The following CKM variants were observed in gnomAD, a reference collection of about 807,000 sequenced individuals.
CKM encodes creatine kinase, M-type, also known as creatine kinase M-type.
CKM carries 28 observed loss-of-function variants against 35.4 expected under a neutral mutation model. That is an observed-to-expected ratio of 0.79 (90% CI 0.59 to 1.08). The LOEUF (loss-of-function observed/expected upper bound fraction) is 1.08, where lower values mean the gene tolerates loss of function less well. Ranked by LOEUF, CKM falls within the 50% of genes least tolerant of loss-of-function variation. CKM has a pLI of 0.00. For missense variants in CKM, 484 were observed against 509.8 expected, an observed-to-expected ratio of 0.95 and a Z score of 0.49; for synonymous variants, 215 against 204.4, an observed-to-expected ratio of 1.05 and a Z score of -0.44.
intron 4 of CKM, among the ~76,000 whole-genome samples, chr19:45,313,889 T>C (rs897430546): frequency 6.6e-6 from 1 of 151,934 alleles, no homozygotes; most frequent in Non-Finnish European, 1.5e-5. Flanking sequence ...GGCCAGGCAC[T>C]GTGGCTCACA....
At position 45,319,518 on chromosome 19, in the gene CKM, C is replaced by T. The variant is rs113345715; in HGVS notation, c.193+3G>A. On this transcript the variant is annotated splice_donor_region_variant and intron_variant, in intron 2 of 7. Coordinates refer to ENST00000221476, the MANE Select transcript of CKM (RefSeq NM_001824.5). ...CCTTCAGTGCTCCACTGGGGAGGCT[C>T]ACCTGGGTTGTCCACTCCTGTCTGG... 8.7e-6 allele frequency: 14 copies of T among 1,613,552 alleles called. No homozygotes were observed. The highest frequency in any genetic ancestry group is 1.1e-5 in the Non-Finnish European group (13 of 1,179,688).
At chr19:45,319,021 AT>A (rs1036262486) in intron 2 of CKM, among the ~76,000 whole-genome samples, 6 of 151,720 alleles carry the variant, frequency 4.0e-5, no homozygotes, top group African/African-American at 1.5e-4. Flanking sequence ...CACTTGGCTA[AT>A]TTTTTTGTAT....
chr19:45,308,909 C>A (rs1052894182), intron 5 of CKM, among the ~76,000 whole-genome samples: 1 of 152,140 alleles, frequency 6.6e-6, no homozygotes, highest in African/African-American at 2.4e-5. Context: ...CCAATCCTAG[C>A]ATCTCAGAAG....
Position 45,307,401 on chromosome 19 carries a change from A to T in CKM, c.967+60T>A. On this transcript the variant is annotated intron_variant, in intron 7 of 7. Transcript: ENST00000221476. ...GCAGGGATGTCGCACCTCTCCTTGC[A>T]TCCCTGCAAAGGGCCCTCGCTCCCC... The T allele has an allele frequency of 2.0e-6, 3 of 1,527,942 alleles. No homozygotes were observed. The South Asian group carries it at 3.4e-5, about 18-fold the overall frequency. The allele number at this position is 1,527,942 out of a possible 1,614,324, so 94.6% of individuals were successfully genotyped here.
chr19:45,322,693 C>T (rs980466017), intron 1 of CKM, 128 bp downstream of exon 1: 3 of 505,166 alleles, frequency 5.9e-6, no homozygotes, highest in Admixed American at 6.4e-5. Context: ...ACGCACCGAC[C>T]TGCCTTTGTA....
chr19:45,322,778 C>T (rs1166673927), intron 1 of CKM, 43 bp downstream of exon 1: 3 of 980,166 alleles, frequency 3.1e-6, no homozygotes, highest in African/African-American at 3.5e-5. Flanking sequence ...CCACAGAAAT[C>T]CCCTACTCTG....
At position 45,315,849 on chromosome 19, in the gene CKM, C is replaced by CT. The variant is rs376961493; in HGVS notation, c.349-253dup. 8.8e-5 allele frequency among the ~76,000 whole-genome samples: 12 copies of CT among 135,624 alleles called. 2 individuals are homozygous for CT. The highest frequency in any genetic ancestry group is 1.6e-4 in the Non-Finnish European group (10 of 63,414). 89.0% of individuals were successfully genotyped at this position (135,624 alleles called of 152,430 possible). A position where few individuals can be genotyped will look rare whatever the true frequency, so the allele number is the denominator to read the frequency against. On this transcript the variant is annotated intron_variant, in intron 3 of 7. Coordinates refer to ENST00000221476, the MANE Select transcript of CKM (RefSeq NM_001824.5). ...TCCCCATCTTCGTATATTTCTTTTC[C>CT]TTTTTTTTCTTCGAGACAGGGTCTC... is the stretch of plus-strand genomic sequence containing the variant.
Position 45,311,920 on chromosome 19 carries a change from G to A in CKM, c.482C>T (p.Ala161Val), listed in dbSNP as rs762646021. 6 of 1,613,868 alleles carry A rather than the reference G, an allele frequency of 3.7e-6. No homozygotes were observed. In the South Asian group the frequency reaches 5.5e-5, roughly 15 times the overall value. Residue 161 changes from alanine (A) to valine (V), a missense_variant and splice_region_variant, in exon 5 of 8, where the codon GCT (alanine) becomes GTT (valine). By Grantham distance (64) the Ala-to-Val change is moderately conservative. Transcript: ENST00000221476. ...RRAVEKLSVE[A>V]LNSLTGEFKG... Reference sequence around the variant, plus strand: ...GAACTCGCCCGTCAGGCTGTTGAGAGCTATGGGGACACACGAGGGAGTGGT... The same window carrying A: ...GAACTCGCCCGTCAGGCTGTTGAGAACTATGGGGACACACGAGGGAGTGGT...
intron 6 of CKM, 74 bp from the exon 7 acceptor site, chr19:45,307,724 C>T: frequency 7.8e-7 from 1 of 1,288,538 alleles, no homozygotes; most frequent in Non-Finnish European, 1.1e-6. Flanking sequence ...TGGACAGGGT[C>T]CGGAGGGACA....
At chr19:45,313,757 G>C (rs1398609300) in intron 4 of CKM, among the ~76,000 whole-genome samples, 1 of 152,190 alleles carries the variant, frequency 6.6e-6, no homozygotes, top group Non-Finnish European at 1.5e-5. Context: ...TGAGACACGA[G>C]AATTGCTTGA....
intron 2 of CKM, among the ~76,000 whole-genome samples, 190 bp downstream of exon 2, chr19:45,319,331 G>C (rs975464358): frequency 6.6e-6 from 1 of 152,166 alleles, no homozygotes; most frequent in Non-Finnish European, 1.5e-5. Context: ...TGTTTATTGC[G>C]TGGTTTGCTG....
chr19:45,308,322 T>G, intron 6 of CKM, 87 bp downstream of exon 6: 3 of 1,507,704 alleles, frequency 2.0e-6, no homozygotes, highest in Non-Finnish European at 1.8e-6. Context: ...GGGCAGGGCT[T>G]AGTATAGGGG....
In CKM at chr19:45,306,905, C is replaced by T. The variant is rs1165561354; in HGVS notation, c.991G>A (p.Gly331Ser). 6.2e-7 allele frequency: 1 copy of T among 1,613,914 alleles called. No individual in the cohort carries two copies. The highest frequency in any genetic ancestry group is 1.7e-5 in the Admixed American group (1 of 59,996). The change falls in exon 8 of 8, where the codon GGC becomes AGC. Residue 331 changes from glycine (G) to serine (S), a missense_variant. Transcript: ENST00000221476. The surrounding 1 kb of genome is among the most constrained non-coding windows in gnomAD (Gnocchi z 4.5). Reference sequence around the variant, plus strand: ...GCGTTGGACACGTCAAATACTGAGCCCACGGCAGCTGTGTCCACGCCACCT... The same window carrying T: ...GCGTTGGACACGTCAAATACTGAGCTCACGGCAGCTGTGTCCACGCCACCT... The part of the protein sequence containing the change: ...GTGGVDTAAV[G>S]SVFDVSNADR...
intron 4 of CKM, among the ~76,000 whole-genome samples, chr19:45,314,118 AAGGGAAGGAAGGGAGGG>A (rs932577484): frequency 1.4e-5 from 2 of 143,052 alleles, no homozygotes; most frequent in East Asian, 2.2e-4. Context: ...AAGGGAAGGG[AAGGGAAGGAAGGGAGGG>A]AGGGAAGGAA....
At position 45,306,702 on chromosome 19, in the gene CKM, C is replaced by T; in HGVS notation, c.*48G>A. 6.2e-7 allele frequency: 1 copy of T among 1,603,380 alleles called. No individual in the cohort carries two copies. Among genetic ancestry groups the T allele is most frequent in the South Asian group, 1.1e-5 (1 of 90,862 alleles). On this transcript the variant is annotated 3_prime_UTR_variant, in exon 8 of 8. Transcript: ENST00000221476. This position sits in a 1 kb window ranked among gnomAD's most constrained non-coding sequence, Gnocchi z 4.5. ...GGGAGCAGGACTCTGGTGGGCCAGG[C>T]CCTCCCACTGGCTGGGTTCCAGCAG... is the stretch of plus-strand genomic sequence containing the variant.
At chr19:45,322,164 CT>C (rs1046707536) in intron 1 of CKM, among the ~76,000 whole-genome samples, 12 of 151,928 alleles carry the variant, frequency 7.9e-5, no homozygotes, top group African/African-American at 2.2e-4. Flanking sequence ...GGATGCCCCC[CT>C]AATCCCTGCC....
chr19:45,308,312 G>A, intron 6 of CKM, 97 bp downstream of exon 6: 1 of 1,476,610 alleles, frequency 6.8e-7, no homozygotes, highest in Non-Finnish European at 9.4e-7. Flanking sequence ...AAAATGGGTG[G>A]GGCAGGGCTT....
intron 2 of CKM, among the ~76,000 whole-genome samples, chr19:45,318,189 C>G (rs1160945104): frequency 6.6e-6 from 1 of 152,102 alleles, no homozygotes; most frequent in Non-Finnish European, 1.5e-5. Flanking sequence ...GGGTGAATCT[C>G]TTGAGGTCAG....
Position 45,306,498 on chromosome 19 carries a change from GCTC to G in CKM, c.*249_*251del. 1.8e-6 allele frequency: 1 copy of G among 555,176 alleles called. No individual in the cohort carries two copies. 34.4% of individuals were successfully genotyped at this position (555,176 alleles called of 1,614,324 possible). Reference sequence around the variant, plus strand: ...TGCTGGGAGCTCTCCATTAACTAGAGCTCCTGGTTGGGGTGGAGCTCTGGGAAA... The same window carrying G: ...TGCTGGGAGCTCTCCATTAACTAGAGCTGGTTGGGGTGGAGCTCTGGGAAA... On this transcript the variant is annotated 3_prime_UTR_variant, in exon 8 of 8. Coordinates refer to ENST00000221476, the MANE Select transcript of CKM (RefSeq NM_001824.5). This position sits in a 1 kb window ranked among gnomAD's most constrained non-coding sequence, Gnocchi z 4.5.
Sources: allele counts gnomAD v4.1 joint callset (sites outside exome capture counted in the v4.1 genomes callset), GRCh38; gene constraint gnomAD v4.1.1; non-coding constraint Gnocchi (gnomAD v3.1); transcripts MANE v1.5; gene names NCBI Gene and HGNC (gene_info 2026-07-23, HGNC 2026-07-21).